The following WASF3 variants were observed in gnomAD, a reference collection of about 807,000 sequenced individuals.
WASF3 encodes the protein WASP family member 3, also known as actin-binding protein WASF3.
A neutral mutation model predicts 46.6 loss-of-function variants in WASF3; 11 were observed. The ratio of observed to expected loss-of-function variants is 0.24; its 90% CI spans 0.15 to 0.39. The LOEUF (loss-of-function observed/expected upper bound fraction) is 0.39, where lower values mean the gene tolerates loss of function less well. Ranked by LOEUF, WASF3 falls within the 10% of genes least tolerant of loss-of-function variation. WASF3 has a pLI of 1.00. For missense variants in WASF3, 576 were observed against 669.8 expected (o/e 0.86, Z 1.55); for synonymous variants, 242 against 259.7 (o/e 0.93, Z 0.65).
At chr13:26,543,368 A>G in the WASF3 span, among the ~76,000 whole-genome samples, 1 of 152,226 alleles carries the variant, frequency 6.6e-6, no homozygotes, top group African/African-American at 2.4e-5. Context: ...GTCCTTGGGA[A>G]TGAAAATCTA....
In WASF3 at chr13:26,676,721, C is replaced by CT; in HGVS notation, c.714dup (p.Arg239Ter). 6.2e-7 allele frequency: 1 copy of CT among 1,613,266 alleles called. No homozygotes were observed. Among genetic ancestry groups the CT allele is most frequent in the African/African-American group, 1.3e-5 (1 of 74,996 alleles). ...TCCGAGGGATCCCTGTCCCCAGATA[C>CT]TAGGTGTGTGTGTGTCACTGCTCCC... On this transcript the variant is annotated frameshift_variant, in exon 7 of 10. Coordinates refer to ENST00000335327, the MANE Select transcript of WASF3 (RefSeq NM_006646.6). LOFTEE classifies it high-confidence loss of function.
At chr13:26,596,057 A>G (rs564752556) in intron 1 of WASF3, among the ~76,000 whole-genome samples, 2 of 148,218 alleles carry the variant, frequency 1.3e-5, no homozygotes, top group South Asian at 4.2e-4. Flanking sequence ...GTGCCAAACT[A>G]TTTTCCAGAG....
chr13:26,649,330 A>G (rs1882243211), intron 3 of WASF3, among the ~76,000 whole-genome samples: 2 of 152,234 alleles, frequency 1.3e-5, no homozygotes, highest in Non-Finnish European at 1.5e-5. Context: ...GAAGACAGTC[A>G]GTAGAAGCAA....
intron 1 of WASF3, among the ~76,000 whole-genome samples, chr13:26,608,131 T>G (rs561648027): frequency 6.8e-6 from 1 of 146,172 alleles, no homozygotes; most frequent in East Asian, 2.2e-4. Context: ...GTTGCCTGGG[T>G]TATCAGATTC....
the WASF3 span, among the ~76,000 whole-genome samples, chr13:26,551,711 G>A: frequency 1.3e-5 from 2 of 152,178 alleles, no homozygotes; most frequent in Non-Finnish European, 2.9e-5. Context: ...GGAAGGGCAG[G>A]AGGGGTATTC....
At chr13:26,595,654 A>G (rs9512279) in intron 1 of WASF3, among the ~76,000 whole-genome samples, 27,637 of 152,080 alleles carry the variant, frequency 0.18, 2,821 homozygotes, top group South Asian at 0.27. Flanking sequence ...ATTTCTTTGT[A>G]CCCTCAGCCA....
intron 3 of WASF3, among the ~76,000 whole-genome samples, chr13:26,659,225 A>G (rs371904829): frequency 1.8e-4 from 27 of 151,582 alleles, no homozygotes; most frequent in African/African-American, 5.6e-4. Context: ...GAAGTGAGGG[A>G]GCAAACCATG....
At chr13:26,547,802 C>T in the WASF3 span, among the ~76,000 whole-genome samples, 7 of 152,126 alleles carry the variant, frequency 4.6e-5, no homozygotes, top group African/African-American at 7.2e-5. Context: ...CCATTAAGTG[C>T]AAATAAAATG....
intron 5 of WASF3, among the ~76,000 whole-genome samples, chr13:26,668,089 GA>G (rs142342685): frequency 0.1 from 15,402 of 151,974 alleles, 849 homozygotes; most frequent in African/African-American, 0.15. Flanking sequence ...ATTTAATTCA[GA>G]AAAAAATGTA....
chr13:26,555,534 G>A (rs375162071), upstream of WASF3, among the ~76,000 whole-genome samples: 18 of 152,176 alleles, frequency 1.2e-4, no homozygotes, highest in East Asian at 3.3e-3. Flanking sequence ...GCTGGGTAAA[G>A]CTTCCCAGGA....
At position 26,676,642 on chromosome 13, in the gene WASF3, A is replaced by C. The variant is rs1378151579; in HGVS notation, c.634A>C (p.Lys212Gln). The change falls in exon 7 of 10, where the codon AAA becomes CAA. Residue 212 changes from lysine to glutamine, a missense_variant. Transcript: ENST00000335327. ...RQEWNMMAYD[K>Q]ELRPDNRLSQ... Reference sequence around the variant, plus strand: ...GGAGTGGAATATGATGGCATATGACAAAGAGCTTAGACCCGACAACAGGTT... The same window carrying C: ...GGAGTGGAATATGATGGCATATGACCAAGAGCTTAGACCCGACAACAGGTT... 9.3e-6 allele frequency: 15 copies of C among 1,614,090 alleles called. No homozygotes were observed. The highest frequency in any genetic ancestry group is 1.7e-5 in the Admixed American group (1 of 60,004).
At chr13:26,595,403 C>A (rs1463979917) in intron 1 of WASF3, among the ~76,000 whole-genome samples, 3 of 152,156 alleles carry the variant, frequency 2.0e-5, no homozygotes, top group Non-Finnish European at 2.9e-5. Flanking sequence ...GTTCCATGTA[C>A]CCTTGCCCAG....
the WASF3 span, among the ~76,000 whole-genome samples, chr13:26,544,674 G>T: frequency 7.2e-5 from 11 of 152,342 alleles, no homozygotes; most frequent in East Asian, 2.1e-3. Context: ...ATCTGGCATT[G>T]TTTCCCTGGT....
At chr13:26,630,608 C>A (rs145100277) in intron 2 of WASF3, among the ~76,000 whole-genome samples, 1 of 152,092 alleles carries the variant, frequency 6.6e-6, no homozygotes, top group Non-Finnish European at 1.5e-5. Context: ...TGAATAGTGC[C>A]GCAGTAAACA....
intron 2 of WASF3, chr13:26,641,216 A>T: frequency 6.6e-6 from 1 of 152,140 alleles, no homozygotes; most frequent in East Asian, 1.9e-4. Flanking sequence ...CATTCTTAAA[A>T]GGAGTTTTAA....
chr13:26,681,252 C>A lies in WASF3; in HGVS notation c.915C>A (p.Pro305=), dbSNP rs760996858. 13 of 1,613,072 alleles carry A rather than the reference C, an allele frequency of 8.1e-6. No homozygotes were observed. Among genetic ancestry groups the A allele is most frequent in the South Asian group, 6.6e-5 (6 of 90,976 alleles). Residue 305 remains proline (P), a synonymous_variant, in exon 8 of 10, where the codon CCC becomes CCA. Coordinates refer to ENST00000335327, the MANE Select transcript of WASF3 (RefSeq NM_006646.6). ...HMALNRPQQP[P]PPPPPQAPEG... is the part of the protein sequence containing the mutation. ...CCCTCAACAGACCTCAGCAGCCGCC[C>A]CCCCCGCCTCCCCCTCAGGCCCCAG...
At chr13:26,541,686 T>G in the WASF3 span, among the ~76,000 whole-genome samples, 1 of 152,116 alleles carries the variant, frequency 6.6e-6, no homozygotes. Flanking sequence ...TCTCACTATG[T>G]TGACCAGGCT....
chr13:26,682,563 C>G lies in WASF3; in HGVS notation c.984-44C>G. On this transcript the variant is annotated intron_variant, in intron 8 of 9. Coordinates refer to ENST00000335327, the MANE Select transcript of WASF3 (RefSeq NM_006646.6). This position sits in a 1 kb window ranked among gnomAD's most constrained non-coding sequence, Gnocchi z 4.4. Reference sequence around the variant, plus strand: ...GTCTAAGAGCTCCCAGGACGTGACCCTCTCTTGTTCCCTTGGTGACTATGT... The same window carrying G: ...GTCTAAGAGCTCCCAGGACGTGACCGTCTCTTGTTCCCTTGGTGACTATGT... The G allele has an allele frequency of 3.7e-6, 6 of 1,612,306 alleles. No homozygotes were observed. Among genetic ancestry groups the G allele is most frequent in the Non-Finnish European group, 3.4e-6 (4 of 1,179,482 alleles).
At chr13:26,610,300 C>G (rs1420739667) in intron 1 of WASF3, among the ~76,000 whole-genome samples, 1 of 152,170 alleles carries the variant, frequency 6.6e-6, no homozygotes, top group African/African-American at 2.4e-5. Flanking sequence ...TGCCGTTGCC[C>G]CTCCAGCTGT....
Sources: allele counts gnomAD v4.1 joint callset (sites outside exome capture counted in the v4.1 genomes callset), GRCh38; gene constraint gnomAD v4.1.1; non-coding constraint Gnocchi (gnomAD v3.1); transcripts MANE v1.5; gene names NCBI Gene and HGNC (gene_info 2026-07-23, HGNC 2026-07-21).